The following DPYSL2 variants were observed in gnomAD, a reference collection of about 807,000 sequenced individuals.
DPYSL2 encodes the protein dihydropyrimidinase-related protein 2.
A neutral mutation model predicts 69.9 loss-of-function variants in DPYSL2; 13 were observed. The ratio of observed to expected loss-of-function variants is 0.19; its 90% CI spans 0.12 to 0.30. The LOEUF (loss-of-function observed/expected upper bound fraction) is 0.30. DPYSL2 is among the 10% of genes least tolerant of loss of function. The probability of loss-of-function intolerance (pLI) is 1.00; values close to 1 mark genes in which losing one functional copy is unlikely to be tolerated. For synonymous variants in DPYSL2, 326 were observed against 359.1 expected (o/e 0.91, Z 1.04); for missense variants, 587 against 918.9 (o/e 0.64, Z 4.67).
In DPYSL2 at chr8:26,647,607, C is replaced by T. The variant is rs750002007; in HGVS notation, c.1426-23C>T. On this transcript the variant is annotated intron_variant, in intron 10 of 13. Coordinates refer to ENST00000521913, the MANE Select transcript of DPYSL2 (RefSeq NM_001197293.3). This position sits in a 1 kb window ranked among gnomAD's most constrained non-coding sequence, Gnocchi z 5.1. ...TCGTTTCTGCTGTGTGCCTCCTGTG[C>T]ACACCTATGCTGTCTCCCTCAGGTC... 1.3e-6 allele frequency: 2 copies of T among 1,593,878 alleles called. No individual in the cohort carries two copies. The highest frequency in any genetic ancestry group is 1.1e-5 in the South Asian group (1 of 88,048).
intron 3 of DPYSL2, among the ~76,000 whole-genome samples, chr8:26,618,814 C>T (rs1049276088): frequency 5.3e-5 from 8 of 150,710 alleles, no homozygotes; most frequent in South Asian, 2.1e-4. Context: ...AAAAATTAGC[C>T]GGGCATGATG....
chr8:26,545,802 G>C (rs2117629246), intron 1 of DPYSL2, among the ~76,000 whole-genome samples: 1 of 151,894 alleles, frequency 6.6e-6, no homozygotes. Flanking sequence ...GAATTTCCCT[G>C]CTCCTTTATC....
At chr8:26,548,795 C>T (rs1013397692) in intron 1 of DPYSL2, among the ~76,000 whole-genome samples, 13 of 151,958 alleles carry the variant, frequency 8.6e-5, no homozygotes, top group African/African-American at 3.1e-4. Flanking sequence ...AGGAGAATCA[C>T]TTGAGCCTGG....
At position 26,652,250 on chromosome 8, in the gene DPYSL2, T is replaced by C. The variant is rs749168489; in HGVS notation, c.1597-7T>C. The C allele has an allele frequency of 1.8e-5, 29 of 1,610,556 alleles. No individual in the cohort carries two copies. Among genetic ancestry groups the C allele is most frequent in the Non-Finnish European group, 2.2e-5 (26 of 1,177,978 alleles). ...CTGTTCTAGAGTTTACTTTGCCTTCTTCTCAGTCTCTCGAGTACAACATCT... is the reference window on the plus strand; with the variant it reads ...CTGTTCTAGAGTTTACTTTGCCTTCCTCTCAGTCTCTCGAGTACAACATCT... On this transcript the variant is annotated splice_region_variant and splice_polypyrimidine_tract_variant and intron_variant, in intron 11 of 13. Coordinates refer to ENST00000521913, the MANE Select transcript of DPYSL2 (RefSeq NM_001197293.3). This position sits in a 1 kb window ranked among gnomAD's most constrained non-coding sequence, Gnocchi z 6.3.
chr8:26,650,101 T>C lies in DPYSL2; in HGVS notation c.1597-2156T>C, dbSNP rs2129990461. On this transcript the variant is annotated intron_variant, in intron 11 of 13. Transcript: ENST00000521913. The surrounding 1 kb of genome is among the most constrained non-coding windows in gnomAD (Gnocchi z 5.3). ...AGTGAATGAGTGAAGATTTTCTAAATGCCTACTGTGAGCCAAATAGTGAGC... is the reference window on the plus strand; with the variant it reads ...AGTGAATGAGTGAAGATTTTCTAAACGCCTACTGTGAGCCAAATAGTGAGC... Among the ~76,000 whole-genome samples the C allele has an allele frequency of 6.6e-6, 1 of 152,368 alleles. No homozygotes were observed. Among genetic ancestry groups the C allele is most frequent in the African/African-American group, 2.4e-5 (1 of 41,586 alleles).
At position 26,514,721 on chromosome 8, in the gene DPYSL2, G is replaced by A. The variant is rs1440288388; in HGVS notation, c.354+42G>A. ...GGGGTGGAGACGGAGGACGGGGCGC[G>A]GGGATCGCCCCTCCCTCGCCCCTGA... On this transcript the variant is annotated intron_variant, in intron 1 of 13. Coordinates refer to ENST00000521913, the MANE Select transcript of DPYSL2 (RefSeq NM_001197293.3). This position sits in a 1 kb window ranked among gnomAD's most constrained non-coding sequence, Gnocchi z 8.4. 1.5e-6 allele frequency: 2 copies of A among 1,338,244 alleles called. No individual in the cohort carries two copies. Among genetic ancestry groups the A allele is most frequent in the Admixed American group, 3.7e-5 (1 of 27,164 alleles). 82.9% of individuals were successfully genotyped at this position (1,338,244 alleles called of 1,614,324 possible). A position where few individuals can be genotyped will look rare whatever the true frequency, so the allele number is the denominator to read the frequency against.
At position 26,653,988 on chromosome 8, in the gene DPYSL2, A is replaced by T. The variant is rs1254013920; in HGVS notation, c.1942+591A>T. On this transcript the variant is annotated intron_variant, in intron 13 of 13. Transcript: ENST00000521913. This position sits in a 1 kb window ranked among gnomAD's most constrained non-coding sequence, Gnocchi z 5.7. ...TAAGAAGACATTTGTTCAATTTATT[A>T]GGTCCATCATAAGAAAGGACACTGT... Among the ~76,000 whole-genome samples the T allele has an allele frequency of 2.0e-5, 3 of 152,228 alleles. No homozygotes were observed. The highest frequency in any genetic ancestry group is 4.4e-5 in the Non-Finnish European group (3 of 68,042).
rs532921256 is a variant in DPYSL2, at chr8:26,612,689, G to C, written c.629-11454G>C. 4.6e-5 allele frequency among the ~76,000 whole-genome samples: 7 copies of C among 152,324 alleles called. No homozygotes were observed. The South Asian group carries it at 1.2e-3, about 27-fold the overall frequency. On this transcript the variant is annotated intron_variant, in intron 3 of 13. Coordinates refer to ENST00000521913, the MANE Select transcript of DPYSL2 (RefSeq NM_001197293.3). Reference sequence around the variant, plus strand: ...CTTTTTCTCATGCACATTAGGTTAAGGTCAGTAGTTACTCACTTAAGTTAC... The same window carrying C: ...CTTTTTCTCATGCACATTAGGTTAACGTCAGTAGTTACTCACTTAAGTTAC...
intron 1 of DPYSL2, among the ~76,000 whole-genome samples, chr8:26,541,301 C>T (rs1256929507): frequency 6.6e-6 from 1 of 152,086 alleles, no homozygotes; most frequent in Non-Finnish European, 1.5e-5. Context: ...CTATGCCAGG[C>T]AAAATTATCC....
intron 1 of DPYSL2, among the ~76,000 whole-genome samples, chr8:26,544,315 C>A (rs1041908455): frequency 6.6e-6 from 1 of 152,184 alleles, no homozygotes; most frequent in Non-Finnish European, 1.5e-5. Context: ...CCTTCTCCTC[C>A]TTTCTCCCTG....
rs933326490 is a variant in DPYSL2 at position 26,554,459 on chromosome 8, T to C, written c.355-27510T>C. Among the ~76,000 whole-genome samples, 12 of 152,268 alleles carry C rather than the reference T, an allele frequency of 7.9e-5. No homozygotes were observed. In the East Asian group the frequency reaches 1.7e-3, roughly 22 times the overall value. ...AGTTTGCAAATATTTTTTCCCATTCTGTAAGTTGTCTGTTTACTCTGTTGA... is the reference window on the plus strand; with the variant it reads ...AGTTTGCAAATATTTTTTCCCATTCCGTAAGTTGTCTGTTTACTCTGTTGA... On this transcript the variant is annotated intron_variant, in intron 1 of 13. Transcript: ENST00000521913.
At chr8:26,618,739 G>A (rs1802414638) in intron 3 of DPYSL2, among the ~76,000 whole-genome samples, 2 of 136,218 alleles carry the variant, frequency 1.5e-5, no homozygotes, top group South Asian at 2.3e-4. Context: ...TCAGGAATTC[G>A]AGATCAGCCT....
intron 3 of DPYSL2, among the ~76,000 whole-genome samples, chr8:26,601,598 C>G (rs1363587536): frequency 6.6e-6 from 1 of 151,972 alleles, no homozygotes; most frequent in Non-Finnish European, 1.5e-5. Flanking sequence ...AGGATGGTCT[C>G]CATCTCCTGA....
chr8:26,656,615 A>G lies in DPYSL2; in HGVS notation c.*909A>G, dbSNP rs1803398532. 1 of 150,266 alleles carries G rather than the reference A, an allele frequency of 6.7e-6. No homozygotes were observed. Among genetic ancestry groups the G allele is most frequent in the Non-Finnish European group, 1.5e-5 (1 of 67,186 alleles). The allele number at this position is 150,266 out of a possible 1,614,324, so 9.3% of individuals were successfully genotyped here. A position where few individuals can be genotyped will look rare whatever the true frequency, so the allele number is the denominator to read the frequency against. Reference sequence around the variant, plus strand: ...TATCTTTTCACCTCCCAGGTCTACCATTTCATGGTGGTCGTTGGGTCCGCC... The same window carrying G: ...TATCTTTTCACCTCCCAGGTCTACCGTTTCATGGTGGTCGTTGGGTCCGCC... On this transcript the variant is annotated 3_prime_UTR_variant, in exon 14 of 14. Coordinates refer to ENST00000521913, the MANE Select transcript of DPYSL2 (RefSeq NM_001197293.3).
intron 1 of DPYSL2, among the ~76,000 whole-genome samples, chr8:26,572,417 C>G (rs917711774): frequency 8.5e-5 from 13 of 152,218 alleles, no homozygotes; most frequent in Non-Finnish European, 1.8e-4. Context: ...TGGGTGCCTC[C>G]ACTCATACCT....
At chr8:26,600,972 C>T (rs551017689) in intron 3 of DPYSL2, among the ~76,000 whole-genome samples, 43 of 152,320 alleles carry the variant, frequency 2.8e-4, no homozygotes, top group African/African-American at 8.9e-4. Flanking sequence ...CTGTTAGCCT[C>T]TTCCTCCAGT....
chr8:26,533,386 ATCTTT>A lies in DPYSL2; in HGVS notation c.354+18714_354+18718del, dbSNP rs1432496094. 6.6e-6 allele frequency among the ~76,000 whole-genome samples: 1 copy of A among 152,136 alleles called. No individual in the cohort carries two copies. Among genetic ancestry groups the A allele is most frequent in the African/African-American group, 2.4e-5 (1 of 41,430 alleles). On this transcript the variant is annotated intron_variant, in intron 1 of 13. Coordinates refer to ENST00000521913, the MANE Select transcript of DPYSL2 (RefSeq NM_001197293.3). This position sits in a 1 kb window ranked among gnomAD's most constrained non-coding sequence, Gnocchi z 4.8. ...AATTTTGACAAAGTGTAACTTATCT[ATCTTT>A]TCTTTTGTTGCTTGTACTTTTGGTA... is the stretch of plus-strand genomic sequence containing the variant.
chr8:26,592,024 G>A (rs1031294947), intron 3 of DPYSL2, among the ~76,000 whole-genome samples: 1 of 151,652 alleles, frequency 6.6e-6, no homozygotes, highest in African/African-American at 2.4e-5. Flanking sequence ...CCCTCTCTCT[G>A]TTCAAGACAG....
intron 1 of DPYSL2, among the ~76,000 whole-genome samples, chr8:26,530,998 G>A (rs1031185266): frequency 5.3e-5 from 8 of 150,940 alleles, no homozygotes; most frequent in Non-Finnish European, 1.0e-4. Flanking sequence ...GTTTGAGGCT[G>A]CAATGAGCCC....
Sources: gnomAD v4.1 joint callset for allele counts (sites outside exome capture counted in the v4.1 genomes callset) on GRCh38, gnomAD v4.1.1 for gene constraint, Gnocchi (gnomAD v3.1) non-coding constraint, MANE v1.5 for transcripts, NCBI Gene and HGNC (gene_info 2026-07-23, HGNC 2026-07-21) for gene names.